The following CADPS variants were observed in gnomAD, a reference collection of about 807,000 sequenced individuals.
CADPS encodes calcium-dependent secretion activator 1.
In CADPS, 57 loss-of-function variants were observed where a neutral mutation model predicts 167.3. That is an observed-to-expected ratio of 0.34 (90% CI 0.28 to 0.42). The LOEUF (loss-of-function observed/expected upper bound fraction) is 0.42. CADPS is among the 20% of genes least tolerant of loss of function. The pLI, the probability that CADPS is intolerant of heterozygous loss-of-function variation, is 1.00. For synonymous variants in CADPS, 676 were observed against 635.3 expected, an observed-to-expected ratio of 1.06 and a Z score of -0.96; for missense variants, 1,414 against 1,738.1, an observed-to-expected ratio of 0.81 and a Z score of 3.32.
At chr3:62,683,698 C>T (rs1270189817) in intron 3 of CADPS, among the ~76,000 whole-genome samples, 1 of 152,020 alleles carries the variant, frequency 6.6e-6, no homozygotes, top group East Asian at 1.9e-4. Context: ...AAGGACACTA[C>T]ATTACATTTT....
chr3:62,501,425 G>C (rs906605993), intron 17 of CADPS, among the ~76,000 whole-genome samples: 1 of 152,058 alleles, frequency 6.6e-6, no homozygotes, highest in Non-Finnish European at 1.5e-5. Flanking sequence ...ATATGCACAG[G>C]CTACTATTTT....
chr3:62,652,399 CA>C (rs57075270), intron 4 of CADPS, among the ~76,000 whole-genome samples: 6,769 of 120,008 alleles, frequency 0.056, 167 homozygotes, highest in Middle Eastern at 0.073. Flanking sequence ...TCTGTGTGGC[CA>C]AAAAAAAAAA....
chr3:62,694,383 T>C (rs2079866064), intron 3 of CADPS, among the ~76,000 whole-genome samples: 1 of 152,098 alleles, frequency 6.6e-6, no homozygotes, highest in Non-Finnish European at 1.5e-5. Flanking sequence ...ACTGTCAATG[T>C]TGTTTACTTT....
Position 62,819,691 on chromosome 3 carries a change from A to C in CADPS, c.442-53707T>G, listed in dbSNP as rs956174871. ...TGTAACTAAGGTCAGTCATATGGGCACTCCATCCCTACGTAACCAATTCCT... is the reference window on the plus strand; with the variant it reads ...TGTAACTAAGGTCAGTCATATGGGCCCTCCATCCCTACGTAACCAATTCCT... On this transcript the variant is annotated intron_variant, in intron 1 of 29. Transcript: ENST00000383710. Among the ~76,000 whole-genome samples, 3 of 152,014 alleles carry C rather than the reference A, an allele frequency of 2.0e-5. No individual in the cohort carries two copies. In the South Asian group the frequency reaches 6.2e-4, roughly 32 times the overall value.
intron 10 of CADPS, among the ~76,000 whole-genome samples, chr3:62,551,393 C>G (rs777284560): frequency 6.6e-6 from 1 of 152,204 alleles, no homozygotes; most frequent in Non-Finnish European, 1.5e-5. Flanking sequence ...TCTTCCATCT[C>G]CAGTTGCGGC....
intron 28 of CADPS, among the ~76,000 whole-genome samples, chr3:62,428,594 G>A (rs1293150480): frequency 5.3e-5 from 8 of 152,074 alleles, no homozygotes; most frequent in African/African-American, 1.9e-4. Context: ...TGGACACATG[G>A]ACTTCTTGAG....
At chr3:62,411,040 G>A (rs2048860173) in intron 28 of CADPS, among the ~76,000 whole-genome samples, 1 of 152,112 alleles carries the variant, frequency 6.6e-6, no homozygotes, top group Non-Finnish European at 1.5e-5. Context: ...AGGGGTTTGG[G>A]GTTCCAGTGC....
chr3:62,721,323 C>T (rs967084559), intron 3 of CADPS, among the ~76,000 whole-genome samples: 1 of 151,914 alleles, frequency 6.6e-6, no homozygotes, highest in African/African-American at 2.4e-5. Context: ...CCTAACAATA[C>T]TGTTCACCAG....
chr3:62,751,168 T>A (rs1157400999), intron 3 of CADPS, among the ~76,000 whole-genome samples: 2 of 152,208 alleles, frequency 1.3e-5, no homozygotes, highest in Non-Finnish European at 2.9e-5. Context: ...GGGTATTATA[T>A]GTTGTGAAAT....
intron 9 of CADPS, among the ~76,000 whole-genome samples, chr3:62,568,126 G>C (rs1448752474): frequency 6.6e-6 from 1 of 152,166 alleles, no homozygotes; most frequent in Non-Finnish European, 1.5e-5. Context: ...AGAGATGCAA[G>C]GATGGAAAGT....
intron 8 of CADPS, among the ~76,000 whole-genome samples, chr3:62,584,384 G>A (rs751334070): frequency 1.3e-5 from 2 of 152,134 alleles, no homozygotes; most frequent in Admixed American, 6.5e-5. Context: ...AAGAATTAAC[G>A]AGACCTCTCT....
In CADPS at chr3:62,412,706, C is replaced by A. The variant is rs947252232; in HGVS notation, c.3778-9521G>T. The stretch of plus-strand genomic sequence containing the variant: ...GACTTAATGCATTTCAGCCTTCTAA[C>A]CCAAGTCAGTCCTGTTGCATGGGGG... On this transcript the variant is annotated intron_variant, in intron 28 of 29. Coordinates refer to ENST00000383710, the MANE Select transcript of CADPS (RefSeq NM_003716.4). This position sits in a 1 kb window ranked among gnomAD's most constrained non-coding sequence, Gnocchi z 4.1. Among the ~76,000 whole-genome samples the A allele has an allele frequency of 5.3e-5, 8 of 152,122 alleles. No individual in the cohort carries two copies. Among genetic ancestry groups the A allele is most frequent in the African/African-American group, 1.7e-4 (7 of 41,416 alleles).
At chr3:62,567,862 A>G (rs531280878) in intron 9 of CADPS, among the ~76,000 whole-genome samples, 10 of 152,268 alleles carry the variant, frequency 6.6e-5, no homozygotes, top group Admixed American at 5.9e-4. Context: ...GGCGTCAGCC[A>G]CTGCTCCTGG....
At chr3:62,513,551 A>T in intron 16 of CADPS, 1 of 844,590 alleles carries the variant, frequency 1.2e-6, no homozygotes, top group Non-Finnish European at 1.9e-6. Context: ...AAGCAAGGAG[A>T]GTGAGTTGGT....
chr3:62,611,360 C>A (rs1312754455), intron 6 of CADPS, among the ~76,000 whole-genome samples: 1 of 152,214 alleles, frequency 6.6e-6, no homozygotes, highest in East Asian at 1.9e-4. Context: ...CACTTCCCAC[C>A]ACTTACACTC....
intron 1 of CADPS, among the ~76,000 whole-genome samples, chr3:62,798,431 C>T (rs143185456): frequency 1.5e-3 from 224 of 152,264 alleles, no homozygotes; most frequent in Non-Finnish European, 2.6e-3. Context: ...CTTGGGCTTA[C>T]ACCAGTGAAG....
At position 62,753,611 on chromosome 3, in the gene CADPS, T is replaced by G. The variant is rs1443665111; in HGVS notation, c.718A>C (p.Lys240Gln). Reference sequence around the variant, plus strand: ...TCTCCACGGTAGATGGCATCAAATTTGGCCATCCAGGAGCTCAGCACAGTC... The same window carrying G: ...TCTCCACGGTAGATGGCATCAAATTGGGCCATCCAGGAGCTCAGCACAGTC... Reference protein sequence around the residue: ...KETVLSSWMAKFDAIYRGEED... With the variant: ...KETVLSSWMAQFDAIYRGEED... The change falls in exon 3 of 30, where the codon AAA becomes CAA. Residue 240 changes from lysine (K) to glutamine (Q), a missense_variant. Transcript: ENST00000383710. The surrounding 1 kb of genome is among the most constrained non-coding windows in gnomAD (Gnocchi z 4.6). 6.2e-7 allele frequency: 1 copy of G among 1,614,060 alleles called. No homozygotes were observed. The highest frequency in any genetic ancestry group is 1.3e-5 in the African/African-American group (1 of 74,928).
intron 11 of CADPS, among the ~76,000 whole-genome samples, chr3:62,540,480 T>C (rs1015636522): frequency 3.3e-5 from 5 of 152,108 alleles, no homozygotes; most frequent in Non-Finnish European, 7.4e-5. Flanking sequence ...AAACTTCTCA[T>C]TGACTTTATT....
intron 1 of CADPS, among the ~76,000 whole-genome samples, chr3:62,789,734 G>A (rs565195343): frequency 6.6e-6 from 1 of 152,280 alleles, no homozygotes; most frequent in South Asian, 2.1e-4. Flanking sequence ...CTTAGACACA[G>A]TTTCAAATAA....
Sources: gnomAD v4.1 joint callset for allele counts (sites outside exome capture counted in the v4.1 genomes callset) on GRCh38, gnomAD v4.1.1 for gene constraint, Gnocchi (gnomAD v3.1) non-coding constraint, MANE v1.5 for transcripts, NCBI Gene and HGNC (gene_info 2026-07-23, HGNC 2026-07-21) for gene names.